Variants in RNF13 observed in about 807,000 individuals in gnomAD.
RNF13 encodes the protein E3 ubiquitin-protein ligase RNF13.
Under a neutral mutation model 37.7 loss-of-function variants are expected in RNF13, and 19 were observed. The observed-to-expected ratio is 0.50, with a 90% CI of 0.35 to 0.74. The LOEUF (loss-of-function observed/expected upper bound fraction) is 0.74, where lower values mean the gene tolerates loss of function less well. RNF13 is among the 30% of genes least tolerant of loss of function. RNF13 has a pLI of 0.01. For missense variants in RNF13, 375 were observed against 453.0 expected (o/e 0.83, Z 1.56); for synonymous variants, 144 against 157.8 (o/e 0.91, Z 0.65).
In RNF13 at chr3:149,960,932, C is replaced by T; in HGVS notation, c.974C>T (p.Ala325Val). ...LASVSAQSFGALSESRSHQNM... is the reference protein window; with the variant it reads ...LASVSAQSFGVLSESRSHQNM... ...TCTGTCAGTGCCCAGTCATTTGGGG[C>T]TTTATCGGAATCCCGCTCACATCAG... is the stretch of plus-strand genomic sequence containing the variant. Residue 325 changes from alanine (A) to valine (V), a missense_variant, in exon 10 of 10, where the codon GCT (alanine) becomes GTT (valine). Ala to Val is a moderately conservative substitution (Grantham distance 64). Transcript: ENST00000392894. 6.2e-7 allele frequency: 1 copy of T among 1,614,172 alleles called. No homozygotes were observed. The highest frequency in any genetic ancestry group is 8.5e-7 in the Non-Finnish European group (1 of 1,180,030).
intron 1 of RNF13, among the ~76,000 whole-genome samples, chr3:149,840,358 A>G (rs1722052688): frequency 6.6e-6 from 1 of 152,072 alleles, no homozygotes; most frequent in Admixed American, 6.6e-5. Context: ...AAGAAGTGTG[A>G]CTTTTTTTAT....
chr3:149,853,008 A>G (rs1293003208), intron 3 of RNF13, among the ~76,000 whole-genome samples: 1 of 151,910 alleles, frequency 6.6e-6, no homozygotes, highest in Non-Finnish European at 1.5e-5. Context: ...TTTTAATTGT[A>G]TGTTTTGATC....
chr3:149,940,687 T>A (rs1014973917), intron 8 of RNF13, among the ~76,000 whole-genome samples: 1 of 152,164 alleles, frequency 6.6e-6, no homozygotes, highest in African/African-American at 2.4e-5. Context: ...TTGCATTTTT[T>A]ATTGTAGAAA....
chr3:149,850,720 A>G (rs1723050680), intron 2 of RNF13, among the ~76,000 whole-genome samples: 1 of 152,232 alleles, frequency 6.6e-6, no homozygotes, highest in African/African-American at 2.4e-5. Flanking sequence ...CCATTGATCT[A>G]GATAAGTTAC....
At chr3:149,829,993 C>T (rs1267238815) in intron 1 of RNF13, among the ~76,000 whole-genome samples, 1 of 150,450 alleles carries the variant, frequency 6.6e-6, no homozygotes, top group East Asian at 2.0e-4. Context: ...GTAAGACATG[C>T]CTTTGCTTCT....
chr3:149,960,143 G>A lies in RNF13; in HGVS notation c.781+7G>A, dbSNP rs752279924. 75 of 1,550,820 alleles carry A rather than the reference G, an allele frequency of 4.8e-5. No homozygotes were observed. The highest frequency in any genetic ancestry group is 6.3e-5 in the Non-Finnish European group (71 of 1,123,112). On this transcript the variant is annotated splice_region_variant and intron_variant, in intron 9 of 9. Coordinates refer to ENST00000392894, the MANE Select transcript of RNF13 (RefSeq NM_183381.3). Reference sequence around the variant, plus strand: ...ATCCTTCCCTGTTCCCATGGTATGAGTAATTACGTACTGCTTTGAATTTAC... The same window carrying A: ...ATCCTTCCCTGTTCCCATGGTATGAATAATTACGTACTGCTTTGAATTTAC...
intron 4 of RNF13, among the ~76,000 whole-genome samples, chr3:149,876,939 C>CCACT (rs1398977708): frequency 6.6e-6 from 1 of 151,842 alleles, no homozygotes; most frequent in Non-Finnish European, 1.5e-5. Flanking sequence ...CCACCACGCC[C>CCACT]CACTAATTTT....
intron 5 of RNF13, among the ~76,000 whole-genome samples, chr3:149,899,869 C>G (rs1346197333): frequency 6.6e-6 from 1 of 152,170 alleles, no homozygotes; most frequent in Non-Finnish European, 1.5e-5. Context: ...AGTTGAGAAA[C>G]TTTGTTTGAA....
intron 2 of RNF13, among the ~76,000 whole-genome samples, chr3:149,848,031 G>A (rs1447265731): frequency 6.6e-6 from 1 of 152,172 alleles, no homozygotes; most frequent in Admixed American, 6.5e-5. Context: ...GTAAACTGGA[G>A]TGTTGTGGTG....
Position 149,961,836 on chromosome 3 carries a change from TCAG to T in RNF13, c.*735_*737del, listed in dbSNP as rs1338367233. 1 of 153,618 alleles carries T rather than the reference TCAG, an allele frequency of 6.5e-6. No homozygotes were observed. The highest frequency in any genetic ancestry group is 1.9e-4 in the East Asian group (1 of 5,212). 9.5% of individuals were successfully genotyped at this position (153,618 alleles called of 1,614,324 possible). A position where few individuals can be genotyped will look rare whatever the true frequency, so the allele number is the denominator to read the frequency against. ...AAATGCTGCATAAAAATACCAAACT[TCAG>T]CAACTGTTAATACTCAGATCATATA... On this transcript the variant is annotated 3_prime_UTR_variant, in exon 10 of 10. Coordinates refer to ENST00000392894, the MANE Select transcript of RNF13 (RefSeq NM_183381.3).
rs548263668 is a variant in RNF13 at position 149,922,004 on chromosome 3, C to T, written c.700+777C>T. ...TTTTTTTTCTTTTGAGACGGAGTCT[C>T]ACTCTGTCACCCAGGCTGGAGTGCA... On this transcript the variant is annotated intron_variant, in intron 8 of 9. Coordinates refer to ENST00000392894, the MANE Select transcript of RNF13 (RefSeq NM_183381.3). Among the ~76,000 whole-genome samples the T allele has an allele frequency of 4.6e-5, 7 of 152,050 alleles. No individual in the cohort carries two copies. The South Asian group carries it at 1.5e-3, about 32-fold the overall frequency.
At chr3:149,897,243 T>A (rs1350525817) in intron 5 of RNF13, among the ~76,000 whole-genome samples, 3 of 152,242 alleles carry the variant, frequency 2.0e-5, no homozygotes, top group Admixed American at 2.0e-4. Flanking sequence ...TTGAGCAAGT[T>A]ACTTACTCTT....
intron 1 of RNF13, among the ~76,000 whole-genome samples, chr3:149,832,451 CTTGGGAAATTTTCAAAT>C (rs1721156055): frequency 1.3e-5 from 2 of 152,134 alleles, no homozygotes; most frequent in Non-Finnish European, 2.9e-5. Flanking sequence ...TACTGTGATG[CTTGGGAAATTTTCAAAT>C]TTTTCAGTGA....
intron 3 of RNF13, among the ~76,000 whole-genome samples, chr3:149,871,293 C>T (rs1349936004): frequency 1.3e-5 from 2 of 151,582 alleles, no homozygotes; most frequent in African/African-American, 2.4e-5. Context: ...CCATCTGCCT[C>T]GGCCTCCCAA....
chr3:149,875,479 T>A (rs1477534557), intron 4 of RNF13, among the ~76,000 whole-genome samples: 6 of 152,178 alleles, frequency 3.9e-5, no homozygotes, highest in African/African-American at 1.4e-4. Flanking sequence ...TATGTTATAA[T>A]TTTTAAAATG....
At chr3:149,894,912 C>A (rs1157479878) in intron 4 of RNF13, among the ~76,000 whole-genome samples, 2 of 152,106 alleles carry the variant, frequency 1.3e-5, no homozygotes, top group Admixed American at 6.5e-5. Context: ...TGCCACACAT[C>A]CAACTATATT....
intron 3 of RNF13, among the ~76,000 whole-genome samples, chr3:149,855,524 A>C (rs1387623704): frequency 2.0e-5 from 3 of 151,156 alleles, no homozygotes; most frequent in African/African-American, 7.3e-5. Context: ...TGCATTAAAA[A>C]ATATATATGT....
At chr3:149,827,084 G>A (rs148126837) in intron 1 of RNF13, among the ~76,000 whole-genome samples, 122 of 152,100 alleles carry the variant, frequency 8.0e-4, no homozygotes, top group African/African-American at 2.9e-3. Context: ...AAATATTAAC[G>A]TACAGTTGGC....
intron 3 of RNF13, among the ~76,000 whole-genome samples, chr3:149,870,215 A>G (rs1007247929): frequency 1.3e-5 from 2 of 151,704 alleles, no homozygotes; most frequent in African/African-American, 2.4e-5. Flanking sequence ...ATAGTGGGCA[A>G]TCTGGTTCCA....
Sources: gnomAD v4.1 joint callset for allele counts (sites outside exome capture counted in the v4.1 genomes callset) on GRCh38, gnomAD v4.1.1 for gene constraint, MANE v1.5 for transcripts, NCBI Gene and HGNC (gene_info 2026-07-23, HGNC 2026-07-21) for gene names.